PYGB: variants seen among roughly 807,000 people sequenced by gnomAD.
The protein encoded by PYGB is glycogen phosphorylase, brain form.
PYGB carries 82 observed loss-of-function variants against 94.3 expected under a neutral mutation model. The ratio of observed to expected loss-of-function variants is 0.87; its 90% confidence interval spans 0.73 to 1.04. The LOEUF (loss-of-function observed/expected upper bound fraction) is 1.04, where lower values mean the gene tolerates loss of function less well. PYGB is among the 50% of genes least tolerant of loss of function. The pLI is 0.00. For missense variants in PYGB, 1,132 were observed against 1,158.2 expected (o/e 0.98, Z 0.33); for synonymous variants, 488 against 479.1 (o/e 1.02, Z -0.24).
intron 2 of PYGB, among the ~76,000 whole-genome samples, chr20:25,267,895 T>A (rs2088231596): frequency 2.6e-5 from 4 of 152,158 alleles, no homozygotes. Context: ...GTAGGAAGAG[T>A]GTGCTGTAGG....
intron 8 of PYGB, among the ~76,000 whole-genome samples, chr20:25,278,732 C>T (rs1263468769): frequency 6.6e-6 from 1 of 152,194 alleles, no homozygotes; most frequent in Non-Finnish European, 1.5e-5. Context: ...GGGGTTATTC[C>T]AAACAAAGCC....
chr20:25,274,454 C>T (rs1362206708), intron 4 of PYGB, 138 bp from the exon 5 acceptor site: 23 of 1,248,134 alleles, frequency 1.8e-5, no homozygotes, highest in Non-Finnish European at 2.5e-5. Context: ...GTGGGAATCC[C>T]GACCTGGTAA....
At chr20:25,281,163 C>A in intron 11 of PYGB, 51 bp downstream of exon 11, 1 of 1,601,922 alleles carries the variant, frequency 6.2e-7, no homozygotes, top group East Asian at 2.2e-5. Context: ...ACACCCAGGC[C>A]TGCGTCTAGG....
At chr20:25,284,407 C>T (rs1174709670) in intron 14 of PYGB, among the ~76,000 whole-genome samples, 156 bp downstream of exon 14, 1 of 152,164 alleles carries the variant, frequency 6.6e-6, no homozygotes, top group Non-Finnish European at 1.5e-5. Flanking sequence ...TAAGCAAAAG[C>T]CATGTTTTTC....
intron 2 of PYGB, among the ~76,000 whole-genome samples, chr20:25,265,148 A>G (rs548550682): frequency 1.6e-4 from 24 of 152,342 alleles, no homozygotes; most frequent in Admixed American, 8.5e-4. Flanking sequence ...CTGATCTTTG[A>G]CAAACCTGAC....
chr20:25,263,966 G>C (rs991680428), intron 2 of PYGB, among the ~76,000 whole-genome samples: 1 of 152,180 alleles, frequency 6.6e-6, no homozygotes, highest in Non-Finnish European at 1.5e-5. Context: ...AAGCCTGGCA[G>C]AGACAACCAA....
chr20:25,257,748 T>C lies in PYGB; in HGVS notation c.244-1489T>C, dbSNP rs1054110107. On this transcript the variant is annotated intron_variant, in intron 1 of 19. Transcript: ENST00000216962. The stretch of plus-strand genomic sequence containing the variant: ...TGGCCTGTCAGCTTTTTATAAAACC[T>C]CTTGTTAATACTTGACCCACAGTAT... Among the ~76,000 whole-genome samples, 3 of 152,294 alleles carry C rather than the reference T, an allele frequency of 2.0e-5. No homozygotes were observed. In the East Asian group the frequency reaches 5.8e-4, roughly 29 times the overall value.
rs895185930 is a variant in PYGB, at chr20:25,283,996, C to G, written c.1621-108C>G. 2.2e-6 allele frequency: 3 copies of G among 1,362,264 alleles called. No homozygotes were observed. In the African/African-American group the frequency reaches 4.3e-5, roughly 20 times the overall value. The allele number at this position is 1,362,264 out of a possible 1,614,324, so 84.4% of individuals were successfully genotyped here. On this transcript the variant is annotated intron_variant, in intron 13 of 19. Transcript: ENST00000216962. ...CTCAGCTCCAGCCTGTATACCCCTGCCCCCTCCCTGCGGCACTCTTCACAG... is the reference window on the plus strand; with the variant it reads ...CTCAGCTCCAGCCTGTATACCCCTGGCCCCTCCCTGCGGCACTCTTCACAG...
chr20:25,276,612 C>T (rs2088313440), intron 5 of PYGB, 34 bp from the exon 6 acceptor site: 10 of 1,584,616 alleles, frequency 6.3e-6, no homozygotes, highest in Non-Finnish European at 7.8e-6. Flanking sequence ...GGGGCCCTTG[C>T]CACTCCGTCC....
At chr20:25,265,623 CTTGCT>C (rs2088211163) in intron 2 of PYGB, among the ~76,000 whole-genome samples, 2 of 124,254 alleles carry the variant, frequency 1.6e-5, no homozygotes, top group Non-Finnish European at 3.2e-5. Flanking sequence ...GAAATGGAGT[CTTGCT>C]CTGTCGCCCA....
At position 25,283,996 on chromosome 20, in the gene PYGB, C is replaced by A. The variant is rs895185930; in HGVS notation, c.1621-108C>A. On this transcript the variant is annotated intron_variant, in intron 13 of 19. Coordinates refer to ENST00000216962, the MANE Select transcript of PYGB (RefSeq NM_002862.4). Reference sequence around the variant, plus strand: ...CTCAGCTCCAGCCTGTATACCCCTGCCCCCTCCCTGCGGCACTCTTCACAG... The same window carrying A: ...CTCAGCTCCAGCCTGTATACCCCTGACCCCTCCCTGCGGCACTCTTCACAG... 5 of 1,362,374 alleles carry A rather than the reference C, an allele frequency of 3.7e-6. No homozygotes were observed. The Admixed American group carries it at 9.6e-5, about 26-fold the overall frequency. 84.4% of individuals were successfully genotyped at this position (1,362,374 alleles called of 1,614,324 possible).
At chr20:25,281,446 C>T (rs1466542907) in intron 11 of PYGB, among the ~76,000 whole-genome samples, 7 of 152,248 alleles carry the variant, frequency 4.6e-5, no homozygotes, top group Non-Finnish European at 1.0e-4. Context: ...GCTGGCAGGG[C>T]TTGGACAGGG....
intron 14 of PYGB, chr20:25,288,170 G>A (rs779237677): frequency 2.2e-4 from 140 of 634,286 alleles, no homozygotes; most frequent in Admixed American, 7.6e-4. Context: ...GTCCTGGCTG[G>A]CCTTCCTCAC....
chr20:25,249,733 G>A (rs776678972), intron 1 of PYGB, among the ~76,000 whole-genome samples: 5 of 152,146 alleles, frequency 3.3e-5, no homozygotes, highest in South Asian at 2.1e-4. Flanking sequence ...AAGTGGCAAC[G>A]AATGGCCAAA....
At chr20:25,274,078 C>T (rs889981048) in intron 4 of PYGB, among the ~76,000 whole-genome samples, 7 of 152,294 alleles carry the variant, frequency 4.6e-5, no homozygotes, top group Admixed American at 2.0e-4. Flanking sequence ...AATAGAGAGT[C>T]GATTTCAGTA....
intron 5 of PYGB, among the ~76,000 whole-genome samples, chr20:25,275,113 C>A (rs532453139): frequency 6.6e-6 from 1 of 152,362 alleles, no homozygotes; most frequent in East Asian, 1.9e-4. Flanking sequence ...AAACAGCTCC[C>A]ACTATCTCTG....
At chr20:25,291,747 G>T (rs572591958) in intron 16 of PYGB, among the ~76,000 whole-genome samples, 1 of 152,102 alleles carries the variant, frequency 6.6e-6, no homozygotes, top group Non-Finnish European at 1.5e-5. Flanking sequence ...CAGGCACCTG[G>T]TCTGGAGTCT....
rs201030102 is a variant in PYGB, at chr20:25,271,415, C to T, written c.457C>T (p.Leu153=). 5 of 1,614,166 alleles carry T rather than the reference C, an allele frequency of 3.1e-6. No homozygotes were observed. The highest frequency in any genetic ancestry group is 4.2e-6 in the Non-Finnish European group (5 of 1,180,018). ...CFLDSMATLG[L]AAYGYGIRYE... ...CCTTGACTCAATGGCTACCTTGGGC[C>T]TGGCAGCATACGGCTATGGAATCCG... is the stretch of plus-strand genomic sequence containing the variant. The change falls in exon 4 of 20, where the codon CTG becomes TTG. Residue 153 remains leucine, a synonymous_variant. Coordinates refer to ENST00000216962, the MANE Select transcript of PYGB (RefSeq NM_002862.4).
intron 3 of PYGB, among the ~76,000 whole-genome samples, chr20:25,271,001 T>G (rs1339670550): frequency 6.6e-6 from 1 of 152,110 alleles, no homozygotes; most frequent in African/African-American, 2.4e-5. Flanking sequence ...CTTGATGTGT[T>G]GATGTGTCCC....
Sources: gnomAD v4.1 joint callset for allele counts (sites outside exome capture counted in the v4.1 genomes callset) on GRCh38, gnomAD v4.1.1 for gene constraint, MANE v1.5 for transcripts, NCBI Gene and HGNC (gene_info 2026-07-23, HGNC 2026-07-21) for gene names.